Variants in EIF3B observed in about 807,000 individuals in gnomAD.
EIF3B encodes eukaryotic translation initiation factor 3 subunit 9.
In EIF3B, 10 loss-of-function variants were observed where a neutral mutation model predicts 104.6. That is an observed-to-expected ratio of 0.10 (90% confidence interval 0.06 to 0.16). The LOEUF (loss-of-function observed/expected upper bound fraction) is 0.16, where lower values mean the gene tolerates loss of function less well. Ranked by LOEUF, EIF3B falls within the 10% of genes least tolerant of loss-of-function variation. The pLI is 1.00. For synonymous variants in EIF3B, 542 were observed against 417.2 expected, an observed-to-expected ratio of 1.30 and a Z score of -3.65; for missense variants, 1,014 against 1,087.9, an observed-to-expected ratio of 0.93 and a Z score of 0.96.
At position 2,380,450 on chromosome 7, in the gene EIF3B, G is replaced by C. The variant is rs754266140; in HGVS notation, c.*261G>C. 1 of 511,596 alleles carries C rather than the reference G, an allele frequency of 2.0e-6. No homozygotes were observed. The highest frequency in any genetic ancestry group is 1.4e-5 in the South Asian group (1 of 70,614). 31.7% of individuals were successfully genotyped at this position (511,596 alleles called of 1,614,324 possible). ...CTGCAGTGGGGGATTTAAGGCACCC[G>C]CTTCCACTTCTTTCTTGTTTGGAGT... On this transcript the variant is annotated 3_prime_UTR_variant, in exon 19 of 19. Coordinates refer to ENST00000360876, the MANE Select transcript of EIF3B (RefSeq NM_001037283.2).
chr7:2,365,142 G>T (rs1214271018), intron 6 of EIF3B, among the ~76,000 whole-genome samples: 2 of 152,104 alleles, frequency 1.3e-5, no homozygotes, highest in African/African-American at 2.4e-5. Flanking sequence ...TAGAGATGGG[G>T]GTCTCACTTT....
chr7:2,362,324 G>C (rs1277367154), intron 2 of EIF3B, among the ~76,000 whole-genome samples: 1 of 152,166 alleles, frequency 6.6e-6, no homozygotes, highest in Non-Finnish European at 1.5e-5. Flanking sequence ...TAGTTTTAAA[G>C]CGTACAATTT....
chr7:2,355,152 C>T lies in EIF3B; in HGVS notation c.231C>T (p.Ala77=), dbSNP rs1341559501. ...AGCCGGCGGCCGAGGCAGAGGCGGC[C>T]TCCGGCCCGTCCGAGTCGCCCTCGC... The part of the protein sequence containing the change: ...RTEPAAEAEA[A]SGPSESPSPP... Residue 77 remains alanine, a synonymous_variant, in exon 1 of 19, where the codon GCC becomes GCT. Coordinates refer to ENST00000360876, the MANE Select transcript of EIF3B (RefSeq NM_001037283.2). The T allele has an allele frequency of 5.5e-6, 8 of 1,443,848 alleles. No individual in the cohort carries two copies. Among genetic ancestry groups the T allele is most frequent in the East Asian group, 3.0e-5 (1 of 33,660 alleles). The allele number at this position is 1,443,848 out of a possible 1,614,324, so 89.4% of individuals were successfully genotyped here. A position where few individuals can be genotyped will look rare whatever the true frequency, so the allele number is the denominator to read the frequency against.
intron 2 of EIF3B, 128 bp downstream of exon 2, chr7:2,361,030 C>A: frequency 1.5e-6 from 1 of 658,742 alleles, no homozygotes. Flanking sequence ...CTTCTTCAGG[C>A]CGCCCTCAGC....
At chr7:2,356,461 G>T (rs1779447082) in intron 1 of EIF3B, among the ~76,000 whole-genome samples, 1 of 152,042 alleles carries the variant, frequency 6.6e-6, no homozygotes. Context: ...AATTAGCCGG[G>T]CGTGGTGGCG....
chr7:2,366,775 C>A, intron 8 of EIF3B, 184 bp downstream of exon 8: 1 of 806,304 alleles, frequency 1.2e-6, no homozygotes, highest in Non-Finnish European at 2.0e-6. Flanking sequence ...CTCCTGCCCA[C>A]CTGGCGCAGC....
At chr7:2,378,983 T>A (rs1780845289) in intron 16 of EIF3B, 151 bp from the exon 17 acceptor site, 1 of 776,076 alleles carries the variant, frequency 1.3e-6, no homozygotes, top group African/African-American at 1.7e-5. Context: ...GGGGCAGCGT[T>A]GGGGGAAAAG....
chr7:2,356,345 G>T (rs1160979627), intron 1 of EIF3B, among the ~76,000 whole-genome samples: 5 of 152,142 alleles, frequency 3.3e-5, no homozygotes, highest in African/African-American at 1.2e-4. Flanking sequence ...GGGCTGGGTG[G>T]CTCACGCCTG....
chr7:2,369,312 G>A (rs930913349), intron 9 of EIF3B, among the ~76,000 whole-genome samples, 160 bp from the exon 10 acceptor site: 7 of 152,240 alleles, frequency 4.6e-5, no homozygotes, highest in African/African-American at 1.7e-4. Context: ...ATGAAGCTGC[G>A]CGGCATGCCC....
Position 2,374,685 on chromosome 7 carries a change from C to T in EIF3B, c.1889+79C>T, listed in dbSNP as rs11979604. Reference sequence around the variant, plus strand: ...CAGAGACCCCTCAGGCGCCTGCACCCGGCTTCTTGGTAGAGAGAGTATTGT... The same window carrying T: ...CAGAGACCCCTCAGGCGCCTGCACCTGGCTTCTTGGTAGAGAGAGTATTGT... On this transcript the variant is annotated intron_variant, in intron 13 of 18. Coordinates refer to ENST00000360876, the MANE Select transcript of EIF3B (RefSeq NM_001037283.2). 254 of 1,333,122 alleles carry T rather than the reference C, an allele frequency of 1.9e-4. 1 individual carries two copies. In the African/African-American group the frequency reaches 2.8e-3, roughly 15 times the overall value. The allele number at this position is 1,333,122 out of a possible 1,614,324, so 82.6% of individuals were successfully genotyped here. A position where few individuals can be genotyped will look rare whatever the true frequency, so the allele number is the denominator to read the frequency against.
intron 18 of EIF3B, chr7:2,379,996 G>GA (rs1780910384): frequency 3.9e-6 from 1 of 259,506 alleles, no homozygotes; most frequent in African/African-American, 2.3e-5. Context: ...ATGTGGGACA[G>GA]AAGGCCTAAT....
chr7:2,376,782 G>A lies in EIF3B; in HGVS notation c.2029-168G>A, dbSNP rs1006542277. On this transcript the variant is annotated intron_variant, in intron 14 of 18. Coordinates refer to ENST00000360876, the MANE Select transcript of EIF3B (RefSeq NM_001037283.2). Reference sequence around the variant, plus strand: ...ACTCCGGGTCGGTTGCATAATGGAGGTGTCTTGCATTGACTGCCCACCTAC... The same window carrying A: ...ACTCCGGGTCGGTTGCATAATGGAGATGTCTTGCATTGACTGCCCACCTAC... 5 of 910,978 alleles carry A rather than the reference G, an allele frequency of 5.5e-6. No individual in the cohort carries two copies. The African/African-American group carries it at 8.4e-5, about 15-fold the overall frequency. 56.4% of individuals were successfully genotyped at this position (910,978 alleles called of 1,614,324 possible).
At chr7:2,358,163 A>G (rs1033209444) in intron 1 of EIF3B, among the ~76,000 whole-genome samples, 1 of 151,848 alleles carries the variant, frequency 6.6e-6, no homozygotes, top group African/African-American at 2.4e-5. Context: ...GGCTCACCGC[A>G]GCCTCTGCCT....
rs1779675808 is a variant in EIF3B at position 2,360,602 on chromosome 7, A to G, written c.500-108A>G. On this transcript the variant is annotated intron_variant, in intron 1 of 18. Coordinates refer to ENST00000360876, the MANE Select transcript of EIF3B (RefSeq NM_001037283.2). ...GATTTCTTTTGCTCACAGTGAAAGC[A>G]TTTAGACAATTCATTGTCTCTTCTT... 9 of 905,212 alleles carry G rather than the reference A, an allele frequency of 9.9e-6. No homozygotes were observed. The East Asian group carries it at 2.4e-4, about 24-fold the overall frequency. 56.1% of individuals were successfully genotyped at this position (905,212 alleles called of 1,614,324 possible).
intron 16 of EIF3B, 67 bp downstream of exon 16, chr7:2,378,833 G>A (rs376359674): frequency 1.1e-4 from 157 of 1,400,122 alleles, no homozygotes; most frequent in African/African-American, 5.4e-4. Flanking sequence ...GCGGGGCTGC[G>A]GGGAGCTGCT....
At chr7:2,354,246 G>T (rs1779257584), upstream of EIF3B, 1 of 152,282 alleles carries the variant, frequency 6.6e-6, no homozygotes, top group African/African-American at 2.4e-5. Context: ...CCAGGCAGTC[G>T]TCCTTCTAGT....
chr7:2,355,619 TTTCCTGA>T (rs530252889), intron 1 of EIF3B, among the ~76,000 whole-genome samples, 199 bp downstream of exon 1: 1 of 151,860 alleles, frequency 6.6e-6, no homozygotes, highest in Admixed American at 6.5e-5. Context: ...TCCCCTTTTC[TTTCCTGA>T]AAAAGGGGAC....
At chr7:2,379,317 G>A (rs1381910555) in intron 17 of EIF3B, 75 bp downstream of exon 17, 1 of 1,556,316 alleles carries the variant, frequency 6.4e-7, no homozygotes, top group Non-Finnish European at 8.7e-7. Flanking sequence ...GCGGACTCCT[G>A]CGTTCCTTCC....
chr7:2,361,328 C>T (rs997302344), intron 2 of EIF3B, among the ~76,000 whole-genome samples: 3 of 152,172 alleles, frequency 2.0e-5, no homozygotes, highest in African/African-American at 7.2e-5. Context: ...ACAGGTAATG[C>T]TGCTGCATTT....
Sources: allele counts gnomAD v4.1 joint callset (sites outside exome capture counted in the v4.1 genomes callset), GRCh38; gene constraint gnomAD v4.1.1; transcripts MANE v1.5; gene names NCBI Gene and HGNC (gene_info 2026-07-23, HGNC 2026-07-21).